The following TNKS2 variants were observed in gnomAD, a reference collection of about 807,000 sequenced individuals.
TNKS2 encodes the protein tankyrase 2, also known as poly [ADP-ribose] polymerase tankyrase-2.
In TNKS2, 72 loss-of-function variants were observed where a neutral mutation model predicts 137.6. That is an observed-to-expected ratio of 0.52 (90% CI 0.43 to 0.64). The LOEUF (loss-of-function observed/expected upper bound fraction) is 0.64. TNKS2 is among the 30% of genes least tolerant of loss of function. TNKS2 has a pLI of 0.00. For synonymous variants in TNKS2, 516 were observed against 512.1 expected (o/e 1.01, Z -0.10); for missense variants, 1,049 against 1,410.2 (o/e 0.74, Z 4.10).
chr10:91,840,463 A>T, intron 13 of TNKS2, 98 bp from the exon 14 acceptor site: 1 of 1,093,242 alleles, frequency 9.1e-7, no homozygotes, highest in South Asian at 1.7e-5. Context: ...GAGACAAGAA[A>T]ATAAGTCAGA....
At chr10:91,814,528 C>G (rs1157306493) in intron 2 of TNKS2, among the ~76,000 whole-genome samples, 1 of 152,194 alleles carries the variant, frequency 6.6e-6, no homozygotes, top group Non-Finnish European at 1.5e-5. Context: ...ACTAGGCCTT[C>G]ACATTCACTC....
Position 91,817,163 on chromosome 10 carries a change from A to G in TNKS2, c.454A>G (p.Ile152Val), listed in dbSNP as rs571887904. ...GTTACAGCATGGAGCTGAGCCAACC[A>G]TCCGAAATACAGATGGAAGGACAGC... The part of the protein sequence containing the change: ...VLLQHGAEPT[I>V]RNTDGRTALD... The change falls in exon 3 of 27, where the codon ATC (isoleucine) becomes GTC (valine). Residue 152 changes from isoleucine (I) to valine (V), a missense_variant. By Grantham distance (29) the Ile-to-Val change is conservative. Transcript: ENST00000371627. 3.7e-6 allele frequency: 6 copies of G among 1,613,864 alleles called. No individual in the cohort carries two copies. The highest frequency in any genetic ancestry group is 1.3e-5 in the African/African-American group (1 of 75,066).
intron 24 of TNKS2, 31 bp from the exon 25 acceptor site, chr10:91,859,431 A>T (rs752408669): frequency 4.3e-6 from 6 of 1,407,304 alleles, no homozygotes; most frequent in Non-Finnish European, 5.6e-6. Flanking sequence ...ATAAATTTTA[A>T]ATTATTGTTA....
At chr10:91,862,531 C>A (rs1842877817) in intron 26 of TNKS2, among the ~76,000 whole-genome samples, 1 of 152,002 alleles carries the variant, frequency 6.6e-6, no homozygotes, top group Non-Finnish European at 1.5e-5. Flanking sequence ...GCCAGTCGTT[C>A]CGGATTTTTC....
At chr10:91,805,227 A>G (rs972046153) in intron 1 of TNKS2, among the ~76,000 whole-genome samples, 13 of 152,158 alleles carry the variant, frequency 8.5e-5, no homozygotes, top group Non-Finnish European at 1.9e-4. Context: ...GTCTCAGCAT[A>G]GCAGATTACA....
intron 6 of TNKS2, among the ~76,000 whole-genome samples, chr10:91,821,222 G>C (rs1844880553): frequency 6.6e-6 from 1 of 151,880 alleles, no homozygotes; most frequent in East Asian, 1.9e-4. Context: ...ATTTTTAGTA[G>C]AGACAAGGTT....
intron 1 of TNKS2, among the ~76,000 whole-genome samples, chr10:91,806,369 C>T (rs146240813): frequency 0.051 from 7,765 of 152,074 alleles, 280 homozygotes; most frequent in Middle Eastern, 0.085. Flanking sequence ...CAGAAGTATG[C>T]AAGGATTTGA....
At chr10:91,822,897 T>A (rs1320259062) in intron 7 of TNKS2, among the ~76,000 whole-genome samples, 1 of 151,754 alleles carries the variant, frequency 6.6e-6, no homozygotes, top group Non-Finnish European at 1.5e-5. Flanking sequence ...AGCACTGTCA[T>A]CTTGCTACAC....
rs560911481 is a variant in TNKS2, at chr10:91,840,641, T to C, written c.1608T>C (p.Tyr536=). The change falls in exon 14 of 27, where the codon TAT becomes TAC. Residue 536 remains tyrosine, a synonymous_variant. Coordinates refer to ENST00000371627, the MANE Select transcript of TNKS2 (RefSeq NM_025235.4). ...CACCACTTCATTTTGCAGCTGGGTA[T>C]AACAGAGTGTCCGTGGTGGAATATC... ...QSTPLHFAAG[Y]NRVSVVEYLL... is the part of the protein sequence containing the mutation. 54 of 1,614,164 alleles carry C rather than the reference T, an allele frequency of 3.3e-5. No homozygotes were observed. The East Asian group carries it at 1.1e-3, about 32-fold the overall frequency.
chr10:91,855,302 G>T (rs1418823131), intron 22 of TNKS2, among the ~76,000 whole-genome samples, 176 bp downstream of exon 22: 1 of 151,942 alleles, frequency 6.6e-6, no homozygotes, highest in African/African-American at 2.4e-5. Flanking sequence ...TATTACTCAT[G>T]AATTTATAAG....
intron 13 of TNKS2, among the ~76,000 whole-genome samples, chr10:91,837,737 G>A (rs892849052): frequency 6.6e-6 from 1 of 152,198 alleles, no homozygotes; most frequent in Non-Finnish European, 1.5e-5. Flanking sequence ...GGATGCACCT[G>A]TAATCCCAGG....
At chr10:91,862,241 A>G (rs1564633029) in intron 26 of TNKS2, 86 bp downstream of exon 26, 2 of 1,120,938 alleles carry the variant, frequency 1.8e-6, no homozygotes, top group African/African-American at 1.6e-5. Flanking sequence ...GACAAGACAT[A>G]TTGCCTTAAC....
At chr10:91,826,191 A>G (rs895585042) in intron 7 of TNKS2, among the ~76,000 whole-genome samples, 1 of 152,230 alleles carries the variant, frequency 6.6e-6, no homozygotes, top group African/African-American at 2.4e-5. Flanking sequence ...ATAATTTTAT[A>G]TAACATTTTT....
At chr10:91,826,669 A>G (rs1845080485) in intron 7 of TNKS2, among the ~76,000 whole-genome samples, 1 of 152,206 alleles carries the variant, frequency 6.6e-6, no homozygotes, top group Admixed American at 6.5e-5. Context: ...ATGGTATCAC[A>G]GATATATACA....
chr10:91,836,920 G>C lies in TNKS2; in HGVS notation c.1449G>C (p.Glu483Asp). 6.2e-7 allele frequency: 1 copy of C among 1,611,910 alleles called. No individual in the cohort carries two copies. Among genetic ancestry groups the C allele is most frequent in the Non-Finnish European group, 8.5e-7 (1 of 1,179,094 alleles). Residue 483 changes from glutamate to aspartate, a missense_variant and splice_region_variant, in exon 13 of 27, where the codon GAG becomes GAC. Physicochemically the swap from Glu to Asp is conservative, Grantham distance 45. This residue lies in a region of TNKS2 where 328 missense variants were observed against 436.0 expected (regional missense o/e 0.75). Transcript: ENST00000371627. ...CTTCTCTCTCTCTCTCTTTTTTAGA[G>C]GGTATCTCATTAGGTAATTCAGAGG... Reference protein sequence around the residue: ...GNENVQQLLQEGISLGNSEAD... With the variant: ...GNENVQQLLQDGISLGNSEAD...
chr10:91,838,865 TTTTGTTTG>T (rs371323141), intron 13 of TNKS2, among the ~76,000 whole-genome samples: 1 of 152,136 alleles, frequency 6.6e-6, no homozygotes, highest in Admixed American at 6.6e-5. Flanking sequence ...GATATATTCT[TTTTGTTTG>T]TTTGTTTGTT....
At chr10:91,840,789 A>C in intron 14 of TNKS2, 83 bp downstream of exon 14, 2 of 1,369,620 alleles carry the variant, frequency 1.5e-6, no homozygotes, top group Non-Finnish European at 2.0e-6. Flanking sequence ...AATATGTTTT[A>C]TTTTTCAAGA....
chr10:91,841,445 C>T lies in TNKS2; in HGVS notation c.1836C>T (p.Leu612=), dbSNP rs754465349. ...KGKYEICKLL[L]QHGADPTKKN... is the part of the protein sequence containing the mutation. ...AATATGAAATTTGCAAACTTCTGCT[C>T]CAGGTATATTTAAATACTTAACTGT... Residue 612 remains leucine (L), a synonymous_variant, in exon 15 of 27, where the codon CTC becomes CTT. Transcript: ENST00000371627. 3.1e-5 allele frequency: 49 copies of T among 1,599,716 alleles called. 1 individual carries two copies. The South Asian group carries it at 5.2e-4, about 17-fold the overall frequency.
At chr10:91,808,219 AAGG>A (rs1844392764) in intron 1 of TNKS2, among the ~76,000 whole-genome samples, 1 of 151,664 alleles carries the variant, frequency 6.6e-6, no homozygotes, top group South Asian at 2.1e-4. Flanking sequence ...TAGCCTTCTT[AAGG>A]AGGTGACATT....
Sources: allele counts gnomAD v4.1 joint callset (sites outside exome capture counted in the v4.1 genomes callset), GRCh38; gene constraint gnomAD v4.1.1; regional missense constraint gnomAD v4.1.1; transcripts MANE v1.5; gene names NCBI Gene and HGNC (gene_info 2026-07-23, HGNC 2026-07-21).